IGSF11: variants seen among roughly 807,000 people sequenced by gnomAD.
IGSF11 encodes the protein CXADR like 1.
IGSF11 carries 22 observed loss-of-function variants against 41.0 expected under a neutral mutation model. The ratio of observed to expected loss-of-function variants is 0.54; its 90% CI spans 0.38 to 0.77. The LOEUF is 0.77. Ranked by LOEUF, IGSF11 falls within the 30% of genes least tolerant of loss-of-function variation. The pLI, the probability that IGSF11 is intolerant of heterozygous loss-of-function variation, is 0.00. For synonymous variants in IGSF11, 219 were observed against 201.3 expected, an observed-to-expected ratio of 1.09 and a Z score of -0.74; for missense variants, 444 against 530.8, an observed-to-expected ratio of 0.84 and a Z score of 1.61.
chr3:119,059,204 CACA>C (rs1314916050), intron 1 of IGSF11, among the ~76,000 whole-genome samples: 1 of 151,220 alleles, frequency 6.6e-6, no homozygotes, highest in African/African-American at 2.4e-5. Context: ...CACACACACA[CACA>C]CCACACCATG....
At chr3:119,056,265 G>T (rs140872675) in intron 1 of IGSF11, among the ~76,000 whole-genome samples, 4,396 of 151,806 alleles carry the variant, frequency 0.029, 182 homozygotes, top group African/African-American at 0.1. Flanking sequence ...TCAAATAGAC[G>T]CAATAAAAAA....
At chr3:118,982,837 C>T (rs1299772296) in intron 1 of IGSF11, among the ~76,000 whole-genome samples, 2 of 152,102 alleles carry the variant, frequency 1.3e-5, no homozygotes, top group Non-Finnish European at 2.9e-5. Context: ...ATGACAAACT[C>T]GCAGCAGTTT....
At chr3:119,051,540 A>G (rs1039637020) in intron 1 of IGSF11, among the ~76,000 whole-genome samples, 9 of 152,232 alleles carry the variant, frequency 5.9e-5, no homozygotes, top group African/African-American at 2.2e-4. Flanking sequence ...GGGGACTTCA[A>G]TACTCGACTA....
intron 1 of IGSF11, among the ~76,000 whole-genome samples, chr3:118,992,690 G>GA (rs1935904434): frequency 6.6e-6 from 1 of 152,202 alleles, no homozygotes; most frequent in South Asian, 2.1e-4. Flanking sequence ...CCTTGGTGTT[G>GA]AAAAACACAA....
intron 1 of IGSF11, among the ~76,000 whole-genome samples, chr3:119,060,911 C>T (rs944092210): frequency 3.9e-5 from 6 of 152,152 alleles, no homozygotes; most frequent in Non-Finnish European, 7.3e-5. Flanking sequence ...AGATAACCCA[C>T]TCTTTAAAAA....
intron 1 of IGSF11, among the ~76,000 whole-genome samples, chr3:118,997,528 C>G (rs912672185): frequency 1.4e-5 from 2 of 141,694 alleles, no homozygotes; most frequent in Admixed American, 7.1e-5. Flanking sequence ...CCTCTGCTGC[C>G]CCCCCCCAGC....
chr3:119,000,063 C>CTTTTTTTT (rs1297321950), intron 1 of IGSF11, among the ~76,000 whole-genome samples: 32 of 98,714 alleles, frequency 3.2e-4, no homozygotes, highest in East Asian at 6.1e-4. Flanking sequence ...ATTCATTATT[C>CTTTTTTTT]TTTTTTTTTT....
chr3:118,912,369 A>C lies in IGSF11; in HGVS notation c.581-6651T>G, dbSNP rs112689879. On this transcript the variant is annotated intron_variant, in intron 4 of 6. Coordinates refer to ENST00000393775, the MANE Select transcript of IGSF11 (RefSeq NM_001015887.3). ...TTGGAGAGTGGGTGTCATTCCAGGA[A>C]GGAATTCCACTCCATGGCTTGATAT... 8.5e-3 allele frequency among the ~76,000 whole-genome samples: 1,294 copies of C among 152,210 alleles called. 25 individuals are homozygous for C. The highest frequency in any genetic ancestry group is 0.03 in the African/African-American group (1,239 of 41,562).
intron 1 of IGSF11, among the ~76,000 whole-genome samples, chr3:119,077,089 T>C (rs2076512530): frequency 6.6e-6 from 1 of 152,098 alleles, no homozygotes; most frequent in African/African-American, 2.4e-5. Flanking sequence ...TGTGCAGCCA[T>C]ATAAAAGGAT....
chr3:118,937,451 A>G (rs1488805624), intron 1 of IGSF11, among the ~76,000 whole-genome samples: 2 of 152,214 alleles, frequency 1.3e-5, no homozygotes, highest in Non-Finnish European at 2.9e-5. Flanking sequence ...TTTTAATTAG[A>G]TGAAATAATC....
chr3:119,095,513 A>T (rs2076835007), intron 1 of IGSF11, among the ~76,000 whole-genome samples: 1 of 152,190 alleles, frequency 6.6e-6, no homozygotes, highest in Non-Finnish European at 1.5e-5. Flanking sequence ...AGGGTCTAGG[A>T]TTTTACTCTA....
chr3:118,940,736 T>C lies in IGSF11; in HGVS notation c.53-10461A>G, dbSNP rs1226215015. 2.6e-5 allele frequency among the ~76,000 whole-genome samples: 4 copies of C among 151,986 alleles called. 1 individual carries two copies. Among genetic ancestry groups the C allele is most frequent in the Non-Finnish European group, 5.9e-5 (4 of 67,900 alleles). On this transcript the variant is annotated intron_variant, in intron 1 of 6. Transcript: ENST00000393775. ...ATAATTTTCAAGAAAAAAAGTAAGT[T>C]ATAAAGTAATATAGATAAAGTAGCA... is the stretch of plus-strand genomic sequence containing the variant.
chr3:118,989,873 T>C (rs16829203), intron 1 of IGSF11, among the ~76,000 whole-genome samples: 1 of 152,160 alleles, frequency 6.6e-6, no homozygotes, highest in Non-Finnish European at 1.5e-5. Flanking sequence ...TGAAAAGAAA[T>C]GGCCTTTCGG....
chr3:119,001,062 A>G (rs1936776043), intron 1 of IGSF11, among the ~76,000 whole-genome samples: 1 of 152,022 alleles, frequency 6.6e-6, no homozygotes, highest in East Asian at 1.9e-4. Flanking sequence ...CTTCCACCTC[A>G]GGACCTTTGT....
At chr3:119,015,470 G>A (rs1938582436) in intron 1 of IGSF11, among the ~76,000 whole-genome samples, 1 of 151,984 alleles carries the variant, frequency 6.6e-6, no homozygotes. Context: ...AGCTTTAAAA[G>A]GTATATTTAC....
chr3:119,130,417 G>A (rs1317064061), intron 1 of IGSF11, among the ~76,000 whole-genome samples: 1 of 152,186 alleles, frequency 6.6e-6, no homozygotes, highest in African/African-American at 2.4e-5. Context: ...CCTGTGCCTG[G>A]CTCGGCAGGT....
At chr3:119,109,378 G>A (rs1427591026), upstream of IGSF11, among the ~76,000 whole-genome samples, 1 of 152,172 alleles carries the variant, frequency 6.6e-6, no homozygotes, top group Admixed American at 6.5e-5. Flanking sequence ...TATTTGCGTA[G>A]AGGTGTTTGT....
intron 1 of IGSF11, among the ~76,000 whole-genome samples, chr3:118,995,417 G>A (rs1232266880): frequency 6.6e-6 from 1 of 152,168 alleles, no homozygotes; most frequent in Non-Finnish European, 1.5e-5. Context: ...AGATGGTGTG[G>A]AAATTTTTGA....
intron 1 of IGSF11, among the ~76,000 whole-genome samples, chr3:118,940,197 A>G (rs1943577902): frequency 6.6e-6 from 1 of 152,202 alleles, no homozygotes; most frequent in African/African-American, 2.4e-5. Flanking sequence ...CAATAAGGCA[A>G]GAATAAGAAT....
Sources: allele counts gnomAD v4.1 joint callset (sites outside exome capture counted in the v4.1 genomes callset), GRCh38; gene constraint gnomAD v4.1.1; transcripts MANE v1.5; gene names NCBI Gene and HGNC (gene_info 2026-07-23, HGNC 2026-07-21).